OSBPL6: variants seen among roughly 807,000 people sequenced by gnomAD.
OSBPL6 encodes the protein oxysterol binding protein like 6.
In OSBPL6, 49 loss-of-function variants were observed where a neutral mutation model predicts 125.8. The observed-to-expected ratio is 0.39, with a 90% CI of 0.31 to 0.49. The LOEUF is 0.49. Ranked by LOEUF, OSBPL6 falls within the 20% of genes least tolerant of loss-of-function variation. The pLI is 0.88. For missense variants in OSBPL6, 986 were observed against 1,135.4 expected (o/e 0.87, Z 1.89); for synonymous variants, 394 against 391.8 (o/e 1.01, Z -0.07).
At chr2:178,271,160 C>T (rs1177396048) in intron 1 of OSBPL6, among the ~76,000 whole-genome samples, 2 of 152,060 alleles carry the variant, frequency 1.3e-5, no homozygotes, top group Admixed American at 1.3e-4. Flanking sequence ...AGAAGAACAG[C>T]TTTGAATTGT....
Position 178,389,060 on chromosome 2 carries a change from C to A in OSBPL6, c.2208C>A (p.Ile736=). 1 of 1,613,918 alleles carries A rather than the reference C, an allele frequency of 6.2e-7. No homozygotes were observed. The highest frequency in any genetic ancestry group is 1.1e-5 in the South Asian group (1 of 91,078). ...AAGTCACCACTTGCATACACAACAT[C>A]CTCAGTGGGAGAAGATGGATAGAAC... is the stretch of plus-strand genomic sequence containing the variant. ...WNKVTTCIHN[I]LSGRRWIEHY... is the part of the protein sequence containing the mutation. Residue 736 remains isoleucine, a synonymous_variant, in exon 21 of 25, where the codon ATC becomes ATA. Transcript: ENST00000190611.
intron 13 of OSBPL6, among the ~76,000 whole-genome samples, chr2:178,366,608 G>A (rs985331747): frequency 6.6e-6 from 1 of 152,146 alleles, no homozygotes; most frequent in African/African-American, 2.4e-5. Flanking sequence ...TAGAATCAGC[G>A]AAATGTAAAT....
intron 1 of OSBPL6, among the ~76,000 whole-genome samples, chr2:178,247,357 A>G (rs1188451064): frequency 6.6e-6 from 1 of 151,738 alleles, no homozygotes; most frequent in Non-Finnish European, 1.5e-5. Context: ...TATTTAATTC[A>G]GTTTGGAGTG....
chr2:178,225,540 G>A (rs1484833579), intron 1 of OSBPL6, among the ~76,000 whole-genome samples: 3 of 152,208 alleles, frequency 2.0e-5, no homozygotes, highest in East Asian at 1.9e-4. Flanking sequence ...CGTGGTGTCA[G>A]TCAGAGCCCT....
intron 3 of OSBPL6, among the ~76,000 whole-genome samples, chr2:178,310,224 C>T (rs1461419920): frequency 6.6e-6 from 1 of 152,140 alleles, no homozygotes; most frequent in East Asian, 1.9e-4. Flanking sequence ...TGATCAGCTA[C>T]AGTCTTCACC....
At chr2:178,352,864 G>A (rs996091162) in intron 12 of OSBPL6, among the ~76,000 whole-genome samples, 33 of 152,216 alleles carry the variant, frequency 2.2e-4, no homozygotes, top group African/African-American at 7.5e-4. Flanking sequence ...CATATAGGTG[G>A]GTGCCTCTCT....
chr2:178,385,001 C>T (rs750741453), intron 18 of OSBPL6, among the ~76,000 whole-genome samples: 3 of 152,034 alleles, frequency 2.0e-5, no homozygotes, highest in Non-Finnish European at 2.9e-5. Flanking sequence ...AACCAAACAC[C>T]GCATGTTCTC....
intron 1 of OSBPL6, among the ~76,000 whole-genome samples, chr2:178,284,445 C>T (rs1029497234): frequency 1.3e-5 from 2 of 152,084 alleles, no homozygotes; most frequent in Non-Finnish European, 2.9e-5. Context: ...CCCAGCTACT[C>T]AGGAGGCTGA....
At chr2:178,251,138 G>A (rs886246727) in intron 1 of OSBPL6, among the ~76,000 whole-genome samples, 1 of 152,050 alleles carries the variant, frequency 6.6e-6, no homozygotes, top group East Asian at 1.9e-4. Flanking sequence ...ACAAGGGAGT[G>A]TGGTCCCAGA....
intron 1 of OSBPL6, among the ~76,000 whole-genome samples, chr2:178,279,671 C>T (rs1246770656): frequency 6.6e-6 from 1 of 152,190 alleles, no homozygotes; most frequent in Admixed American, 6.5e-5. Flanking sequence ...TGTGCATGCA[C>T]ACACACGCAT....
chr2:178,352,518 G>A (rs746162055), intron 12 of OSBPL6, among the ~76,000 whole-genome samples: 9 of 152,134 alleles, frequency 5.9e-5, no homozygotes, highest in Admixed American at 2.0e-4. Flanking sequence ...ACTGCGAGGC[G>A]GCAGACTGGC....
intron 22 of OSBPL6, 28 bp downstream of exon 22, chr2:178,391,245 CAGG>C (rs754352476): frequency 6.4e-7 from 1 of 1,564,726 alleles, no homozygotes; most frequent in Non-Finnish European, 8.6e-7. Context: ...GTTCTGCCAA[CAGG>C]AGGGCACTAT....
chr2:178,254,806 C>T (rs917030998), intron 1 of OSBPL6, among the ~76,000 whole-genome samples: 4 of 152,212 alleles, frequency 2.6e-5, no homozygotes, highest in African/African-American at 7.2e-5. Flanking sequence ...TTATACTGCT[C>T]ACTCACTGGT....
At chr2:178,210,223 C>T (rs1483884278) in intron 1 of OSBPL6, among the ~76,000 whole-genome samples, 5 of 151,932 alleles carry the variant, frequency 3.3e-5, no homozygotes, top group Admixed American at 1.3e-4. Context: ...TGGGGTTTCA[C>T]CATGTTGGTC....
In OSBPL6 at chr2:178,383,187, G is replaced by C. The variant is rs770132585; in HGVS notation, c.1785G>C (p.Pro595=). The C allele has an allele frequency of 6.2e-7, 1 of 1,614,018 alleles. No homozygotes were observed. Among genetic ancestry groups the C allele is most frequent in the Admixed American group, 1.7e-5 (1 of 59,996 alleles). The part of the protein sequence containing the change: ...KVSMPVELNE[P]LNTLQHLCEE... ...CTATGCCTGTGGAGCTAAACGAGCC[G>C]CTCAACACCCTGCAGCACCTCTGTG... The change falls in exon 17 of 25, where the codon CCG becomes CCC. Residue 595 remains proline (P), a synonymous_variant. Transcript: ENST00000190611.
chr2:178,225,028 A>AGT (rs146108640), intron 1 of OSBPL6, among the ~76,000 whole-genome samples: 11,585 of 119,018 alleles, frequency 0.097, 534 homozygotes, highest in African/African-American at 0.17. Context: ...TCTCTCTCTG[A>AGT]GTGTGTGTGT....
chr2:178,300,909 A>G (rs866017439), intron 2 of OSBPL6, among the ~76,000 whole-genome samples: 1 of 152,218 alleles, frequency 6.6e-6, no homozygotes, highest in South Asian at 2.1e-4. Context: ...GAAAGTCAGT[A>G]TGCTGCAAAA....
chr2:178,332,922 C>T lies in OSBPL6; in HGVS notation c.538C>T (p.Arg180Trp), dbSNP rs368596933. ...ATGGGTCTCCAAACTGCGACATCAT[C>T]GGTTGTATCGTCAGAATGAAATTGT... ...DAWVSKLRHH[R>W]LYRQNEIVRS... Residue 180 changes from arginine to tryptophan, a missense_variant, in exon 8 of 25, where the codon CGG (arginine) becomes TGG (tryptophan). By Grantham distance (101) the Arg-to-Trp change is moderately radical. Around this residue, in one of 3 missense-constraint regions of OSBPL6, gnomAD observed 843 missense variants for 997.3 expected, o/e 0.85. Transcript: ENST00000190611. 21 of 1,613,954 alleles carry T rather than the reference C, an allele frequency of 1.3e-5. No homozygotes were observed. Among genetic ancestry groups the T allele is most frequent in the South Asian group, 5.5e-5 (5 of 91,082 alleles).
At chr2:178,257,797 TCC>T (rs1482334929) in intron 1 of OSBPL6, among the ~76,000 whole-genome samples, 19 of 140,092 alleles carry the variant, frequency 1.4e-4, no homozygotes, top group African/African-American at 4.0e-4. Flanking sequence ...TTTTTTTAAT[TCC>T]TTTTTTTTTT....
Sources: gnomAD v4.1 joint callset for allele counts (sites outside exome capture counted in the v4.1 genomes callset) on GRCh38, gnomAD v4.1.1 for gene constraint, gnomAD v4.1.1 regional missense constraint, MANE v1.5 for transcripts, NCBI Gene and HGNC (gene_info 2026-07-23, HGNC 2026-07-21) for gene names.